Variants in LRP6 observed in about 807,000 individuals in gnomAD.
LRP6 encodes the protein low-density lipoprotein receptor-related protein 6.
In LRP6, 43 loss-of-function variants were observed where a neutral mutation model predicts 184.1. The observed-to-expected ratio is 0.23, with a 90% CI of 0.18 to 0.30. The LOEUF is 0.30. LRP6 is among the 10% of genes least tolerant of loss of function. The probability of loss-of-function intolerance (pLI) is 1.00; values close to 1 mark genes in which losing one functional copy is unlikely to be tolerated. For missense variants in LRP6, 1,571 were observed against 2,005.3 expected, an observed-to-expected ratio of 0.78 and a Z score of 4.14; for synonymous variants, 719 against 684.9, an observed-to-expected ratio of 1.05 and a Z score of -0.78.
intron 5 of LRP6, among the ~76,000 whole-genome samples, chr12:12,181,873 A>G (rs1404707632): frequency 6.6e-6 from 1 of 152,220 alleles, no homozygotes; most frequent in Non-Finnish European, 1.5e-5. Context: ...CTAAAATTGG[A>G]TTGTGGTGAT....
chr12:12,235,513 C>G (rs1399813801), intron 2 of LRP6, among the ~76,000 whole-genome samples: 3 of 151,966 alleles, frequency 2.0e-5, no homozygotes, highest in Non-Finnish European at 4.4e-5. Flanking sequence ...GGCGGATCAC[C>G]TGAGGTTGGG....
chr12:12,189,834 T>C (rs1591929473), intron 3 of LRP6, among the ~76,000 whole-genome samples: 1 of 152,156 alleles, frequency 6.6e-6, no homozygotes, highest in African/African-American at 2.4e-5. Flanking sequence ...TTTCTTTTCA[T>C]AGCCATTCTT....
chr12:12,125,911 A>G (rs1401961258), intron 20 of LRP6, among the ~76,000 whole-genome samples: 1 of 152,154 alleles, frequency 6.6e-6, no homozygotes, highest in Non-Finnish European at 1.5e-5. Flanking sequence ...AAAAAATTCT[A>G]TTTTTTCCAA....
chr12:12,138,209 A>G (rs1949873880), intron 16 of LRP6, 116 bp downstream of exon 16: 1 of 1,035,580 alleles, frequency 9.7e-7, no homozygotes. Flanking sequence ...AAAAATGGCA[A>G]AACTAAAAGT....
intron 16 of LRP6, among the ~76,000 whole-genome samples, chr12:12,136,004 G>C (rs192018349): frequency 1.3e-5 from 2 of 152,182 alleles, no homozygotes; most frequent in Non-Finnish European, 2.9e-5. Flanking sequence ...GGGCAACACA[G>C]TGAAATCCCG....
chr12:12,225,784 A>T (rs1284479627), intron 2 of LRP6, among the ~76,000 whole-genome samples: 1 of 152,006 alleles, frequency 6.6e-6, no homozygotes, highest in African/African-American at 2.4e-5. Context: ...AAGCAGGAGA[A>T]TCGCTTGAAC....
chr12:12,255,811 T>A (rs1052388000), intron 1 of LRP6, among the ~76,000 whole-genome samples: 15 of 152,090 alleles, frequency 9.9e-5, no homozygotes, highest in Non-Finnish European at 1.8e-4. Flanking sequence ...GCTCAAGCGA[T>A]CCTCTGCCAC....
intron 15 of LRP6, among the ~76,000 whole-genome samples, chr12:12,145,403 A>G (rs1949990279): frequency 6.6e-6 from 1 of 152,142 alleles, no homozygotes; most frequent in African/African-American, 2.4e-5. Flanking sequence ...ATACAGGAGT[A>G]AGCAGTCTCA....
At position 12,181,363 on chromosome 12, in the gene LRP6, G is replaced by A; in HGVS notation, c.1053C>T (p.Asp351=). The A allele has an allele frequency of 6.2e-7, 1 of 1,608,656 alleles. No individual in the cohort carries two copies. Among genetic ancestry groups the A allele is most frequent in the Non-Finnish European group, 8.5e-7 (1 of 1,175,086 alleles). The change falls in exon 6 of 23, where the codon GAC becomes GAT. Residue 351 remains aspartate (D), a synonymous_variant. Transcript: ENST00000261349. The part of the protein sequence containing the change: ...RISLDTPDFT[D]IVLQLEDIRH... ...GGATGTCTTCTAACTGCAGAACAATGTCTGTAAAATCTGGTGTATCCAAAG... is the reference window on the plus strand; with the variant it reads ...GGATGTCTTCTAACTGCAGAACAATATCTGTAAAATCTGGTGTATCCAAAG...
At chr12:12,140,016 T>C (rs756593717) in intron 15 of LRP6, among the ~76,000 whole-genome samples, 3 of 152,092 alleles carry the variant, frequency 2.0e-5, no homozygotes, top group African/African-American at 7.2e-5. Flanking sequence ...TGAAAATATG[T>C]GTAAGAAATT....
intron 2 of LRP6, among the ~76,000 whole-genome samples, chr12:12,216,990 A>G: frequency 6.6e-6 from 1 of 152,088 alleles, no homozygotes. Context: ...TATCCTGCCT[A>G]TTGCTACCAG....
At chr12:12,244,080 G>T (rs1308933785) in intron 2 of LRP6, among the ~76,000 whole-genome samples, 182 bp downstream of exon 2, 1 of 152,078 alleles carries the variant, frequency 6.6e-6, no homozygotes, top group African/African-American at 2.4e-5. Context: ...CAAAAACCCT[G>T]TCAAAAATAA....
At chr12:12,168,954 C>T (rs796248808) in intron 7 of LRP6, among the ~76,000 whole-genome samples, 14 of 152,152 alleles carry the variant, frequency 9.2e-5, no homozygotes, top group African/African-American at 2.9e-4. Context: ...CACGGCCAGG[C>T]GCAGTGGTTC....
intron 2 of LRP6, among the ~76,000 whole-genome samples, chr12:12,216,808 T>G (rs117224522): frequency 0.049 from 7,522 of 152,080 alleles, 198 homozygotes; most frequent in Middle Eastern, 0.15. Context: ...AATGATTATA[T>G]TACCACCACA....
chr12:12,171,332 T>A (rs189169788), intron 7 of LRP6, among the ~76,000 whole-genome samples: 3 of 152,100 alleles, frequency 2.0e-5, no homozygotes, highest in South Asian at 2.1e-4. Flanking sequence ...CTGGCTAACA[T>A]GGTGAAACTC....
rs1949892780 is a variant in LRP6, at chr12:12,139,079, G to A, written c.3398-545C>T. 14 of 1,144,110 alleles carry A rather than the reference G, an allele frequency of 1.2e-5. No individual in the cohort carries two copies. The South Asian group carries it at 1.9e-4, about 16-fold the overall frequency. 70.9% of individuals were successfully genotyped at this position (1,144,110 alleles called of 1,614,324 possible). A position where few individuals can be genotyped will look rare whatever the true frequency, so the allele number is the denominator to read the frequency against. The stretch of plus-strand genomic sequence containing the variant: ...CAGTGAGAAAGTTCTTTTATACAGT[G>A]GGCTAAAATCTGTGTTCATACCCCC... On this transcript the variant is annotated intron_variant, in intron 15 of 22. Coordinates refer to ENST00000261349, the MANE Select transcript of LRP6 (RefSeq NM_002336.3).
At chr12:12,259,354 TA>T (rs1228552324) in intron 1 of LRP6, among the ~76,000 whole-genome samples, 1 of 151,986 alleles carries the variant, frequency 6.6e-6, no homozygotes, top group Non-Finnish European at 1.5e-5. Context: ...ATAACTTACA[TA>T]ACTTAATGTA....
chr12:12,227,793 A>G (rs1169347804), intron 2 of LRP6, among the ~76,000 whole-genome samples: 2 of 152,310 alleles, frequency 1.3e-5, no homozygotes, highest in East Asian at 1.9e-4. Flanking sequence ...TAGCTTATAT[A>G]TAAGTGAAAT....
intron 7 of LRP6, among the ~76,000 whole-genome samples, chr12:12,172,445 AC>A (rs1166141307): frequency 6.6e-6 from 1 of 152,236 alleles, no homozygotes; most frequent in Admixed American, 6.5e-5. Flanking sequence ...CAGCCAGTCT[AC>A]TACCAAAATT....
Sources: allele counts gnomAD v4.1 joint callset (sites outside exome capture counted in the v4.1 genomes callset), GRCh38; gene constraint gnomAD v4.1.1; transcripts MANE v1.5; gene names NCBI Gene and HGNC (gene_info 2026-07-23, HGNC 2026-07-21).